Variants in TRAF3IP1 observed in about 807,000 individuals in gnomAD.
TRAF3IP1 encodes the protein TRAF3-interacting protein 1.
In TRAF3IP1, 53 loss-of-function variants were observed where a neutral mutation model predicts 89.9. The observed-to-expected ratio is 0.59, with a 90% CI of 0.47 to 0.74. The LOEUF is 0.74. TRAF3IP1 is among the 30% of genes least tolerant of loss of function. TRAF3IP1 has a pLI of 0.00. For synonymous variants in TRAF3IP1, 311 were observed against 322.1 expected (o/e 0.97, Z 0.37); for missense variants, 806 against 866.1 (o/e 0.93, Z 0.87).
chr2:238,335,424 G>A (rs189259588), intron 7 of TRAF3IP1, among the ~76,000 whole-genome samples: 29 of 152,102 alleles, frequency 1.9e-4, no homozygotes, highest in Non-Finnish European at 3.1e-4. Context: ...TCTGGGTTAC[G>A]GGCTTTTTTG....
chr2:238,396,114 G>T (rs1044641943), intron 15 of TRAF3IP1, among the ~76,000 whole-genome samples: 80 of 152,166 alleles, frequency 5.3e-4, no homozygotes, highest in African/African-American at 1.8e-3. Flanking sequence ...CAATAGCAAA[G>T]ACTTGGAACC....
rs573350753 is a variant in TRAF3IP1, at chr2:238,345,457, G to T, written c.1261+859G>T. Among the ~76,000 whole-genome samples, 281 of 152,350 alleles carry T rather than the reference G, an allele frequency of 1.8e-3. 3 individuals are homozygous for T. Among genetic ancestry groups the T allele is most frequent in the African/African-American group, 6.5e-3 (271 of 41,580 alleles). ...CCGGCTGGGATGCGACTGCAGCAGG[G>T]CTGGCTCAGCCCAGAGGAAGGGCCA... On this transcript the variant is annotated intron_variant, in intron 9 of 16. Transcript: ENST00000373327. The surrounding 1 kb of genome is among the most constrained non-coding windows in gnomAD (Gnocchi z 4.7).
At chr2:238,328,893 A>G (rs1269169052) in intron 4 of TRAF3IP1, 33 bp from the exon 5 acceptor site, 1 of 1,584,908 alleles carries the variant, frequency 6.3e-7, no homozygotes, top group East Asian at 2.3e-5. Context: ...TTAGGTAAAA[A>G]TATTCATAAA....
At chr2:238,357,491 C>T (rs1320718995) in intron 15 of TRAF3IP1, among the ~76,000 whole-genome samples, 1 of 152,198 alleles carries the variant, frequency 6.6e-6, no homozygotes, top group Non-Finnish European at 1.5e-5. Context: ...CCTAGTTTGT[C>T]ACAAAGCTAG....
At position 238,348,904 on chromosome 2, in the gene TRAF3IP1, C is replaced by G. The variant is rs1699020411; in HGVS notation, c.1367+56C>G. 5 of 1,422,584 alleles carry G rather than the reference C, an allele frequency of 3.5e-6. No individual in the cohort carries two copies. The Admixed American group carries it at 8.9e-5, about 25-fold the overall frequency. The allele number at this position is 1,422,584 out of a possible 1,614,324, so 88.1% of individuals were successfully genotyped here. A position where few individuals can be genotyped will look rare whatever the true frequency, so the allele number is the denominator to read the frequency against. On this transcript the variant is annotated intron_variant, in intron 11 of 16. Coordinates refer to ENST00000373327, the MANE Select transcript of TRAF3IP1 (RefSeq NM_015650.4). ...CAGAGTGATCACACCTAGGACACTG[C>G]TGTGCTTCTCTTTCTGGCTGCTGCT...
intron 10 of TRAF3IP1, among the ~76,000 whole-genome samples, chr2:238,347,850 C>T (rs967905171): frequency 1.3e-5 from 2 of 152,152 alleles, no homozygotes; most frequent in African/African-American, 4.8e-5. Flanking sequence ...TGGTCTCGAA[C>T]TCCTGACCTC....
chr2:238,335,443 GT>G (rs1298439063), intron 7 of TRAF3IP1, among the ~76,000 whole-genome samples: 5 of 152,118 alleles, frequency 3.3e-5, no homozygotes, highest in African/African-American at 1.2e-4. Context: ...TGTGTGTGGT[GT>G]TTTTTACTTC....
At chr2:238,321,249 G>T (rs980346547) in intron 1 of TRAF3IP1, among the ~76,000 whole-genome samples, 4 of 152,192 alleles carry the variant, frequency 2.6e-5, no homozygotes, top group Non-Finnish European at 4.4e-5. Flanking sequence ...ATTATTGCTG[G>T]CAGAGCTGCT....
In TRAF3IP1 at chr2:238,345,521, T is replaced by G. The variant is rs1356011653; in HGVS notation, c.1261+923T>G. On this transcript the variant is annotated intron_variant, in intron 9 of 16. Transcript: ENST00000373327. This position sits in a 1 kb window ranked among gnomAD's most constrained non-coding sequence, Gnocchi z 4.7. ...GTGCCAGCTTATGGAGTTTAGCCTT[T>G]ATTGGAAGAGCAGCGGGAGGCTAAT... Among the ~76,000 whole-genome samples the G allele has an allele frequency of 1.3e-5, 2 of 152,246 alleles. No individual in the cohort carries two copies. The highest frequency in any genetic ancestry group is 4.8e-5 in the African/African-American group (2 of 41,462).
At chr2:238,389,546 A>C (rs1185252748) in intron 15 of TRAF3IP1, among the ~76,000 whole-genome samples, 1 of 152,052 alleles carries the variant, frequency 6.6e-6, no homozygotes, top group Non-Finnish European at 1.5e-5. Context: ...TCAGGAGTTC[A>C]AGACCAGCCT....
In TRAF3IP1 at chr2:238,349,353, C is replaced by A; in HGVS notation, c.1396C>A (p.Pro466Thr). The A allele has an allele frequency of 6.2e-7, 1 of 1,614,140 alleles. No homozygotes were observed. Among genetic ancestry groups the A allele is most frequent in the Non-Finnish European group, 8.5e-7 (1 of 1,180,022 alleles). The change falls in exon 12 of 17, where the codon CCA (proline) becomes ACA (threonine). Residue 466 changes from proline (P) to threonine (T), a missense_variant. This residue lies in a region of TRAF3IP1 where 732 missense variants were observed against 780.5 expected (regional missense o/e 0.94). Transcript: ENST00000373327. ...RRIPRPGSAR[P>T]APPRVKRQDS... ...AATTCCTCGGCCTGGGAGTGCAAGA[C>A]CAGCCCCTCCCCGGGTCAAACGGCA...
Position 238,328,699 on chromosome 2 carries a change from A to C in TRAF3IP1, c.368A>C (p.Asp123Ala). The change falls in exon 4 of 17, where the codon GAT (aspartate) becomes GCT (alanine). Residue 123 changes from aspartate (D) to alanine (A), a missense_variant. Transcript: ENST00000373327. ...TTGGACGACAAGCTCTCTAGTGACG[A>C]TGCGGTGCGGAGGGTTTTAGCTGGA... The part of the protein sequence containing the change: ...KCCLNKLSSD[D>A]AVRRVLAGEK... 1 of 1,613,872 alleles carries C rather than the reference A, an allele frequency of 6.2e-7. No individual in the cohort carries two copies. The highest frequency in any genetic ancestry group is 8.5e-7 in the Non-Finnish European group (1 of 1,179,900).
rs1440433383 is a variant in TRAF3IP1, at chr2:238,366,241, A to G, written c.1689+10161A>G. ...ACAAAGCAAGACTCCATCTCAAAAA[A>G]AGAAAAATCAGGCACCAGCTATATC... is the stretch of plus-strand genomic sequence containing the variant. On this transcript the variant is annotated intron_variant, in intron 15 of 16. Coordinates refer to ENST00000373327, the MANE Select transcript of TRAF3IP1 (RefSeq NM_015650.4). Among the ~76,000 whole-genome samples, 11 of 152,372 alleles carry G rather than the reference A, an allele frequency of 7.2e-5. No individual in the cohort carries two copies. In the East Asian group the frequency reaches 2.1e-3, roughly 29 times the overall value.
intron 14 of TRAF3IP1, 152 bp downstream of exon 14, chr2:238,353,361 G>A: frequency 1.3e-6 from 1 of 751,494 alleles, no homozygotes; most frequent in South Asian, 2.0e-5. Context: ...TGGTACATAG[G>A]ACCCTGCGGG....
At chr2:238,375,774 G>T (rs1436743309) in intron 15 of TRAF3IP1, among the ~76,000 whole-genome samples, 1 of 152,140 alleles carries the variant, frequency 6.6e-6, no homozygotes, top group Non-Finnish European at 1.5e-5. Flanking sequence ...TGGCGAGTCG[G>T]TTAAGAAATC....
At chr2:238,341,546 TAAAA>T (rs75778043) in intron 8 of TRAF3IP1, among the ~76,000 whole-genome samples, 16,023 of 137,418 alleles carry the variant, frequency 0.12, 1,462 homozygotes, top group African/African-American at 0.26. Flanking sequence ...TTTTTTTTTT[TAAAA>T]AAAAAACACT....
intron 15 of TRAF3IP1, among the ~76,000 whole-genome samples, chr2:238,396,094 G>T (rs1482098219): frequency 2.6e-5 from 4 of 152,048 alleles, no homozygotes; most frequent in African/African-American, 4.8e-5. Flanking sequence ...GTTTATTGCG[G>T]CACTATTCAC....
intron 15 of TRAF3IP1, among the ~76,000 whole-genome samples, chr2:238,363,547 G>A (rs570176908): frequency 7.9e-5 from 12 of 152,236 alleles, no homozygotes; most frequent in African/African-American, 2.6e-4. Context: ...GACTTTTAAT[G>A]TGGCCTATTT....
Position 238,399,973 on chromosome 2 carries a change from G to A in TRAF3IP1, c.*1054G>A, listed in dbSNP as rs545829038. On this transcript the variant is annotated 3_prime_UTR_variant, in exon 17 of 17. Coordinates refer to ENST00000373327, the MANE Select transcript of TRAF3IP1 (RefSeq NM_015650.4). ...GTTACTGTATAAAACATTTCATTGT[G>A]TTTGAAGACATACTTATGGGTCTTG... 2.0e-5 allele frequency: 3 copies of A among 152,020 alleles called. No individual in the cohort carries two copies. Among genetic ancestry groups the A allele is most frequent in the Non-Finnish European group, 4.4e-5 (3 of 68,008 alleles). The allele number at this position is 152,020 out of a possible 1,614,324, so 9.4% of individuals were successfully genotyped here.
Sources: allele counts gnomAD v4.1 joint callset (sites outside exome capture counted in the v4.1 genomes callset), GRCh38; gene constraint gnomAD v4.1.1; regional missense constraint gnomAD v4.1.1; non-coding constraint Gnocchi (gnomAD v3.1); transcripts MANE v1.5; gene names NCBI Gene and HGNC (gene_info 2026-07-23, HGNC 2026-07-21).